Variants in CTNNA3 observed in about 807,000 individuals in gnomAD.
The protein encoded by CTNNA3 is catenin alpha 3, also known as catenin alpha-3.
In CTNNA3, 76 loss-of-function variants were observed where a neutral mutation model predicts 95.7. The ratio of observed to expected loss-of-function variants is 0.79; its 90% CI spans 0.66 to 0.96. The LOEUF (loss-of-function observed/expected upper bound fraction) is 0.96. Among genes scored for constraint, CTNNA3 ranks in the 40% least tolerant of loss-of-function variants. CTNNA3 has a pLI of 0.00. For synonymous variants in CTNNA3, 431 were observed against 374.4 expected (o/e 1.15, Z -1.74); for missense variants, 1,191 against 1,089.8 (o/e 1.09, Z -1.31).
At chr10:66,407,137 C>T (rs74961760) in intron 11 of CTNNA3, among the ~76,000 whole-genome samples, 2,455 of 151,380 alleles carry the variant, frequency 0.016, 58 homozygotes, top group African/African-American at 0.056. Context: ...CAATTAGCTT[C>T]GGTAGAATGC....
At chr10:66,902,021 C>A (rs1327467870) in intron 7 of CTNNA3, among the ~76,000 whole-genome samples, 5 of 152,108 alleles carry the variant, frequency 3.3e-5, no homozygotes, top group Non-Finnish European at 5.9e-5. Flanking sequence ...CTCTGTACCC[C>A]CAAGCGGACC....
At chr10:66,964,094 C>T (rs1217465614) in intron 7 of CTNNA3, among the ~76,000 whole-genome samples, 1 of 151,984 alleles carries the variant, frequency 6.6e-6, no homozygotes, top group Non-Finnish European at 1.5e-5. Context: ...TCGTGATCTG[C>T]CTGCCTCAGC....
At chr10:67,144,733 T>G (rs1029418223) in intron 7 of CTNNA3, among the ~76,000 whole-genome samples, 1 of 152,210 alleles carries the variant, frequency 6.6e-6, no homozygotes, top group African/African-American at 2.4e-5. Flanking sequence ...TGGTTTGATC[T>G]TCTATCCAGA....
At chr10:66,435,191 C>A (rs1247625881) in intron 11 of CTNNA3, among the ~76,000 whole-genome samples, 1 of 151,944 alleles carries the variant, frequency 6.6e-6, no homozygotes, top group Admixed American at 6.6e-5. Context: ...AATTTCTTTT[C>A]TATTGTTTGA....
intron 10 of CTNNA3, among the ~76,000 whole-genome samples, chr10:66,546,625 G>A (rs779442382): frequency 7.2e-5 from 11 of 152,052 alleles, no homozygotes; most frequent in Non-Finnish European, 1.2e-4. Flanking sequence ...GGCATCAGGC[G>A]GTAGATGTGA....
At chr10:67,564,677 G>GTATATATATAAATATATATATA (rs1554854251) in intron 3 of CTNNA3, among the ~76,000 whole-genome samples, 5 of 61,334 alleles carry the variant, frequency 8.2e-5, no homozygotes, top group Non-Finnish European at 1.6e-4. Flanking sequence ...GTGTGTGTGT[G>GTATATATATAAATATATATATA]TATATATATA....
intron 11 of CTNNA3, among the ~76,000 whole-genome samples, chr10:66,469,013 A>T (rs529485473): frequency 6.6e-6 from 1 of 151,936 alleles, no homozygotes; most frequent in Non-Finnish European, 1.5e-5. Context: ...AAAGAAATAT[A>T]AATGAAAGGA....
chr10:66,714,517 T>G lies in CTNNA3; in HGVS notation c.1281+51747A>C, dbSNP rs567440184. ...CTGCTTCCATAAAACTCCCTTTATT[T>G]TTCCCTGCTTTGTTGCAGTAATCCC... On this transcript the variant is annotated intron_variant, in intron 9 of 17. Coordinates refer to ENST00000433211, the MANE Select transcript of CTNNA3 (RefSeq NM_013266.4). 3.3e-4 allele frequency among the ~76,000 whole-genome samples: 51 copies of G among 152,288 alleles called. No homozygotes were observed. In the East Asian group the frequency reaches 9.8e-3, roughly 29 times the overall value.
intron 1 of CTNNA3, among the ~76,000 whole-genome samples, chr10:67,704,793 C>G (rs1187296641): frequency 3.3e-5 from 5 of 152,082 alleles, no homozygotes; most frequent in Non-Finnish European, 4.4e-5. Flanking sequence ...TAATTAAACT[C>G]AAGAGCTTCT....
At chr10:66,336,034 T>A (rs2092391498) in intron 12 of CTNNA3, among the ~76,000 whole-genome samples, 1 of 152,066 alleles carries the variant, frequency 6.6e-6, no homozygotes. Flanking sequence ...CCAAGACAGG[T>A]GCGGGATATA....
chr10:66,754,616 T>C (rs1490287304), intron 9 of CTNNA3, among the ~76,000 whole-genome samples: 1 of 152,068 alleles, frequency 6.6e-6, no homozygotes, highest in Non-Finnish European at 1.5e-5. Context: ...GAATCATATA[T>C]CTGATAAGGG....
intron 15 of CTNNA3, among the ~76,000 whole-genome samples, chr10:66,067,428 C>T (rs1283038167): frequency 1.3e-5 from 2 of 152,206 alleles, no homozygotes; most frequent in Non-Finnish European, 2.9e-5. Context: ...TTTGTCCCAT[C>T]ATATTTCTAC....
At position 66,120,269 on chromosome 10, in the gene CTNNA3, G is replaced by T. The variant is rs546382842; in HGVS notation, c.1885-17020C>A. ...AATTGTGATGTACCTATCTTATAGG[G>T]TTGTTGTGAGGAATATATGACAGTA... On this transcript the variant is annotated intron_variant, in intron 13 of 17. Transcript: ENST00000433211. Among the ~76,000 whole-genome samples, 87 of 152,254 alleles carry T rather than the reference G, an allele frequency of 5.7e-4. 1 individual carries two copies. The highest frequency in any genetic ancestry group is 2.0e-3 in the African/African-American group (83 of 41,574).
intron 16 of CTNNA3, among the ~76,000 whole-genome samples, chr10:65,972,904 GAAAAAAA>G (rs3052085): frequency 7.1e-6 from 1 of 140,140 alleles, no homozygotes; most frequent in African/African-American, 2.6e-5. Flanking sequence ...TCCTAAGGGG[GAAAAAAA>G]AAAAAAAAAA....
intron 13 of CTNNA3, among the ~76,000 whole-genome samples, chr10:66,276,994 C>T (rs2091412280): frequency 6.6e-6 from 1 of 151,962 alleles, no homozygotes; most frequent in Non-Finnish European, 1.5e-5. Context: ...GTATAATTTA[C>T]ACATGTATAT....
chr10:66,177,230 T>C (rs1396462219), intron 13 of CTNNA3, among the ~76,000 whole-genome samples: 1 of 152,120 alleles, frequency 6.6e-6, no homozygotes, highest in Non-Finnish European at 1.5e-5. Flanking sequence ...TTTAAAAATC[T>C]GTTTACATAA....
At chr10:66,393,114 C>T (rs2092947058) in intron 11 of CTNNA3, among the ~76,000 whole-genome samples, 1 of 152,024 alleles carries the variant, frequency 6.6e-6, no homozygotes, top group Non-Finnish European at 1.5e-5. Context: ...TAAATGCATA[C>T]TGCTAATGAA....
At chr10:66,083,619 TC>T (rs1320870223) in intron 14 of CTNNA3, among the ~76,000 whole-genome samples, 1 of 152,186 alleles carries the variant, frequency 6.6e-6, no homozygotes, top group Non-Finnish European at 1.5e-5. Context: ...AGTGATATGG[TC>T]TTGGTAAAGA....
chr10:67,116,809 T>C (rs1859214867), intron 7 of CTNNA3, among the ~76,000 whole-genome samples: 1 of 150,134 alleles, frequency 6.7e-6, no homozygotes, highest in Non-Finnish European at 1.5e-5. Context: ...ATAAGTAAAA[T>C]AAAAATTAAA....
Sources: gnomAD v4.1 joint callset for allele counts (sites outside exome capture counted in the v4.1 genomes callset) on GRCh38, gnomAD v4.1.1 for gene constraint, MANE v1.5 for transcripts, NCBI Gene and HGNC (gene_info 2026-07-23, HGNC 2026-07-21) for gene names.